The following RGS22 variants were observed in gnomAD, a reference collection of about 807,000 sequenced individuals.
RGS22 encodes the protein regulator of G protein signaling 22, also known as regulator of G-protein signaling 22.
In RGS22, 148 loss-of-function variants were observed where a neutral mutation model predicts 172.9. The observed-to-expected ratio is 0.86, with a 90% CI of 0.75 to 0.98. The LOEUF (loss-of-function observed/expected upper bound fraction) is 0.98, where lower values mean the gene tolerates loss of function less well. RGS22 is among the 50% of genes least tolerant of loss of function. The probability of loss-of-function intolerance (pLI) is 0.00; values close to 1 mark genes in which losing one functional copy is unlikely to be tolerated. For missense variants in RGS22, 1,347 were observed against 1,440.8 expected (o/e 0.93, Z 1.05); for synonymous variants, 458 against 480.2 (o/e 0.95, Z 0.60).
Position 100,066,281 on chromosome 8 carries a change from T to C in RGS22, c.610A>G (p.Thr204Ala), listed in dbSNP as rs979004824. 8.7e-6 allele frequency: 14 copies of C among 1,613,214 alleles called. No homozygotes were observed. The African/African-American group carries it at 1.7e-4, about 20-fold the overall frequency. The change falls in exon 7 of 28, where the codon ACA becomes GCA. Residue 204 changes from threonine (T) to alanine (A), a missense_variant. Transcript: ENST00000360863. ...TTTGCTAATGCAAACCAATCTTTTG[T>C]TTGAGTATAGGAAGCCTAGGAAGAA... ...VSLGEASYTQ[T>A]KDWFALAKQS...
At chr8:99,970,979 T>A (rs1404961741) in intron 23 of RGS22, among the ~76,000 whole-genome samples, 1 of 152,122 alleles carries the variant, frequency 6.6e-6, no homozygotes, top group Non-Finnish European at 1.5e-5. Context: ...AAATCCTCAA[T>A]AAAACATTTG....
chr8:100,090,611 A>G (rs562573859), intron 3 of RGS22, among the ~76,000 whole-genome samples: 36 of 152,280 alleles, frequency 2.4e-4, no homozygotes, highest in African/African-American at 6.7e-4. Context: ...ACAAAGCACT[A>G]TAAGTGGAGC....
rs1821538371 is a variant in RGS22, at chr8:100,051,810, T to C, written c.1689+992A>G. Among the ~76,000 whole-genome samples the C allele has an allele frequency of 5.5e-5, 2 of 36,344 alleles. 1 individual carries two copies. Among genetic ancestry groups the C allele is most frequent in the African/African-American group, 2.0e-4 (2 of 10,026 alleles). 23.8% of individuals were successfully genotyped at this position (36,344 alleles called of 152,430 possible). A position where few individuals can be genotyped will look rare whatever the true frequency, so the allele number is the denominator to read the frequency against. Reference sequence around the variant, plus strand: ...ATATAAATATATATTTATATATAAATGTTTATATATATTTATATATAAATG... The same window carrying C: ...ATATAAATATATATTTATATATAAACGTTTATATATATTTATATATAAATG... On this transcript the variant is annotated intron_variant, in intron 10 of 27. Transcript: ENST00000360863.
At chr8:99,981,724 G>GTTTT (rs534670626) in intron 22 of RGS22, among the ~76,000 whole-genome samples, 1 of 129,940 alleles carries the variant, frequency 7.7e-6, no homozygotes, top group Non-Finnish European at 1.7e-5. Context: ...TTTTTTTTAG[G>GTTTT]TTTTTTTTTT....
rs78665549 is a variant in RGS22 at position 99,961,022 on chromosome 8, T to C, written c.*220A>G. ...AGTCTTGTATGTCATGTGTACAGAA[T>C]AGCTATAATTTTAAAACTGCGAGAG... On this transcript the variant is annotated 3_prime_UTR_variant, in exon 28 of 28. Transcript: ENST00000360863. The C allele has an allele frequency of 1.7e-3, 599 of 344,908 alleles. 1 individual carries two copies. Among genetic ancestry groups the C allele is most frequent in the African/African-American group, 0.012 (553 of 46,664 alleles). The allele number at this position is 344,908 out of a possible 1,614,324, so 21.4% of individuals were successfully genotyped here. A position where few individuals can be genotyped will look rare whatever the true frequency, so the allele number is the denominator to read the frequency against.
At chr8:99,963,979 T>A (rs1253781260) in intron 24 of RGS22, among the ~76,000 whole-genome samples, 1 of 152,208 alleles carries the variant, frequency 6.6e-6, no homozygotes, top group Admixed American at 6.5e-5. Flanking sequence ...ATAAAATATC[T>A]TTGGTTTCTA....
chr8:100,059,305 G>A (rs1188282402), intron 9 of RGS22, among the ~76,000 whole-genome samples: 1 of 152,048 alleles, frequency 6.6e-6, no homozygotes, highest in South Asian at 2.1e-4. Flanking sequence ...TGATATTGAT[G>A]TAAATGGGCT....
At chr8:100,000,931 C>G (rs1054222826) in intron 18 of RGS22, among the ~76,000 whole-genome samples, 18 of 151,854 alleles carry the variant, frequency 1.2e-4, no homozygotes, top group Non-Finnish European at 2.5e-4. Flanking sequence ...ACTTGTGAAC[C>G]TCTCTGAGTT....
chr8:100,026,815 G>C (rs927752015), intron 14 of RGS22, among the ~76,000 whole-genome samples: 3 of 152,178 alleles, frequency 2.0e-5, no homozygotes, highest in Non-Finnish European at 1.5e-5. Flanking sequence ...TGAGAAAAAA[G>C]GAAACAGTTC....
chr8:99,962,759 G>A lies in RGS22; in HGVS notation c.3718C>T (p.Pro1240Ser), dbSNP rs772747503. The change falls in exon 26 of 28, where the codon CCT becomes TCT. Residue 1240 changes from proline to serine, a missense_variant. Physicochemically the swap from Pro to Ser is moderately conservative, Grantham distance 74 (BLOSUM62 -1). Coordinates refer to ENST00000360863, the MANE Select transcript of RGS22 (RefSeq NM_015668.5). Reference protein sequence around the residue: ...LEKKLFAGLQPLTNFKASSST... With the variant: ...LEKKLFAGLQSLTNFKASSST... ...GAGCTAGCCTTAAAATTTGTGAGAG[G>A]TTGCAAGCCTGCACAAAAATAAAAG... 1.2e-6 allele frequency: 2 copies of A among 1,609,336 alleles called. No individual in the cohort carries two copies. Among genetic ancestry groups the A allele is most frequent in the East Asian group, 2.2e-5 (1 of 44,840 alleles).
chr8:100,011,348 T>A (rs1816364991), intron 14 of RGS22, among the ~76,000 whole-genome samples: 1 of 152,122 alleles, frequency 6.6e-6, no homozygotes, highest in African/African-American at 2.4e-5. Flanking sequence ...AGACAAGAAA[T>A]TATATGCCAC....
chr8:100,105,876 C>T (rs1006203472), intron 1 of RGS22, 21 bp downstream of exon 1: 2 of 1,504,906 alleles, frequency 1.3e-6, no homozygotes, highest in Non-Finnish European at 1.8e-6. Context: ...GATCCTCTGT[C>T]CCTGTGGGGC....
chr8:100,056,791 T>C (rs1586156635), intron 9 of RGS22, among the ~76,000 whole-genome samples: 1 of 152,302 alleles, frequency 6.6e-6, no homozygotes, highest in East Asian at 1.9e-4. Flanking sequence ...GGCGGGGCAC[T>C]CATGGAGAAC....
Position 100,013,281 on chromosome 8 carries a change from G to A in RGS22, c.2167-4712C>T, listed in dbSNP as rs567941430. Among the ~76,000 whole-genome samples, 4 of 152,196 alleles carry A rather than the reference G, an allele frequency of 2.6e-5. No individual in the cohort carries two copies. The South Asian group carries it at 8.3e-4, about 32-fold the overall frequency. On this transcript the variant is annotated intron_variant, in intron 14 of 27. Transcript: ENST00000360863. ...TTGGATTACAGGTGTAAGCCATCGC[G>A]CCTGGCCTGATTTCTTTTTTTAAAT...
rs948080833 is a variant in RGS22 at position 100,105,279 on chromosome 8, G to A, written c.54+95C>T. On this transcript the variant is annotated intron_variant, in intron 2 of 27. Transcript: ENST00000360863. The stretch of plus-strand genomic sequence containing the variant: ...TACTAAACCAAAACTCTGGCAAAAA[G>A]GAGGAAAGAAAACACACAGCTTTCT... The A allele has an allele frequency of 8.1e-6, 8 of 991,302 alleles. No homozygotes were observed. The African/African-American group carries it at 1.3e-4, about 16-fold the overall frequency. 61.4% of individuals were successfully genotyped at this position (991,302 alleles called of 1,614,324 possible).
intron 16 of RGS22, among the ~76,000 whole-genome samples, chr8:100,004,336 T>C (rs1815446433): frequency 6.6e-6 from 1 of 152,152 alleles, no homozygotes; most frequent in Admixed American, 6.5e-5. Flanking sequence ...TTAGTAAATA[T>C]TTACTATACA....
At chr8:100,010,203 T>C (rs575956846) in intron 14 of RGS22, among the ~76,000 whole-genome samples, 3 of 151,936 alleles carry the variant, frequency 2.0e-5, no homozygotes, top group African/African-American at 7.3e-5. Context: ...AAAACCAACA[T>C]AAGGCCAGGC....
At position 99,984,142 on chromosome 8, in the gene RGS22, T is replaced by G. The variant is rs1812828141; in HGVS notation, c.3181-2026A>C. On this transcript the variant is annotated intron_variant, in intron 21 of 27. Coordinates refer to ENST00000360863, the MANE Select transcript of RGS22 (RefSeq NM_015668.5). ...CTACAAAAATATACAAAATATTAGC[T>G]GGGTGTGGTGGTGCATGCCTGTAGT... is the stretch of plus-strand genomic sequence containing the variant. Among the ~76,000 whole-genome samples the G allele has an allele frequency of 2.0e-5, 3 of 151,894 alleles. No homozygotes were observed. In the South Asian group the frequency reaches 6.2e-4, roughly 32 times the overall value.
intron 21 of RGS22, among the ~76,000 whole-genome samples, chr8:99,985,896 T>C (rs1404032750): frequency 1.3e-5 from 2 of 152,168 alleles, no homozygotes; most frequent in South Asian, 2.1e-4. Flanking sequence ...AGCTTAAAGA[T>C]AGTTCCACCC....
Sources: gnomAD v4.1 joint callset for allele counts (sites outside exome capture counted in the v4.1 genomes callset) on GRCh38, gnomAD v4.1.1 for gene constraint, MANE v1.5 for transcripts, NCBI Gene and HGNC (gene_info 2026-07-23, HGNC 2026-07-21) for gene names.